CRTAM: variants seen among roughly 807,000 people sequenced by gnomAD.
CRTAM encodes the protein cytotoxic and regulatory T cell molecule.
A neutral mutation model predicts 50.0 loss-of-function variants in CRTAM; 44 were observed. That is an observed-to-expected ratio of 0.88 (90% confidence interval 0.69 to 1.13). The LOEUF (loss-of-function observed/expected upper bound fraction) is 1.13, where lower values mean the gene tolerates loss of function less well. Among genes scored for constraint, CRTAM ranks in the 50% most tolerant of loss-of-function variants. The probability of loss-of-function intolerance (pLI) is 0.00; values close to 1 mark genes in which losing one functional copy is unlikely to be tolerated. For synonymous variants in CRTAM, 159 were observed against 169.3 expected, an observed-to-expected ratio of 0.94 and a Z score of 0.47; for missense variants, 448 against 457.5, an observed-to-expected ratio of 0.98 and a Z score of 0.19.
At chr11:122,843,063 G>A (rs1454364675) in intron 1 of CRTAM, among the ~76,000 whole-genome samples, 3 of 152,190 alleles carry the variant, frequency 2.0e-5, no homozygotes, top group African/African-American at 4.8e-5. Flanking sequence ...GGTAAAGATT[G>A]CACATGAGAA....
rs144356621 is a variant in CRTAM at position 122,849,722 on chromosome 11, C to CA, written c.47-334dup. 1.0e-3 allele frequency among the ~76,000 whole-genome samples: 148 copies of CA among 141,218 alleles called. 1 individual carries two copies. The highest frequency in any genetic ancestry group is 2.9e-3 in the Admixed American group (41 of 14,208). The allele number at this position is 141,218 out of a possible 152,430, so 92.6% of individuals were successfully genotyped here. ...GGGCAACCAGAGTGAGACTTTGTCT[C>CA]AAAAAAAAAAAATTAAATTCAATAC... On this transcript the variant is annotated intron_variant, in intron 1 of 9. Coordinates refer to ENST00000227348, the MANE Select transcript of CRTAM (RefSeq NM_019604.4).
intron 1 of CRTAM, among the ~76,000 whole-genome samples, chr11:122,840,825 C>A (rs1861789300): frequency 6.6e-6 from 1 of 151,860 alleles, no homozygotes; most frequent in Admixed American, 6.6e-5. Context: ...GTCACGTAAT[C>A]TCAGAGCCTG....
chr11:122,865,768 A>G (rs1862163853), intron 7 of CRTAM, among the ~76,000 whole-genome samples: 1 of 152,138 alleles, frequency 6.6e-6, no homozygotes, highest in Non-Finnish European at 1.5e-5. Flanking sequence ...ACAGGCCCCA[A>G]AGCAACACAC....
intron 1 of CRTAM, among the ~76,000 whole-genome samples, chr11:122,842,353 C>T (rs1331971875): frequency 1.3e-5 from 2 of 152,222 alleles, no homozygotes; most frequent in Non-Finnish European, 2.9e-5. Context: ...ATCTCACTCA[C>T]CACAACCTCC....
chr11:122,853,753 G>T (rs1198514002), intron 3 of CRTAM, among the ~76,000 whole-genome samples, 190 bp from the exon 4 acceptor site: 1 of 151,908 alleles, frequency 6.6e-6, no homozygotes, highest in Non-Finnish European at 1.5e-5. Context: ...GGGAGGTGGC[G>T]GTTTCAGTGA....
chr11:122,860,092 G>A (rs184040802), intron 5 of CRTAM, among the ~76,000 whole-genome samples: 1 of 152,200 alleles, frequency 6.6e-6, no homozygotes, highest in Admixed American at 6.5e-5. Flanking sequence ...TTGTCGTTCA[G>A]ACTGGAGTGC....
At chr11:122,859,390 C>T (rs887941277) in intron 5 of CRTAM, among the ~76,000 whole-genome samples, 14 of 151,594 alleles carry the variant, frequency 9.2e-5, no homozygotes, top group Admixed American at 5.9e-4. Flanking sequence ...GTATTACAGG[C>T]GTGAGCCACC....
rs768479111 is a variant in CRTAM, at chr11:122,850,235, A to G, written c.193+21A>G. On this transcript the variant is annotated intron_variant, in intron 2 of 9. Coordinates refer to ENST00000227348, the MANE Select transcript of CRTAM (RefSeq NM_019604.4). ...TCCTGGTAAGTGAAAGAAAGAAAGAAAAAATGCCACCAGACCTTAACCTGA... is the reference window on the plus strand; with the variant it reads ...TCCTGGTAAGTGAAAGAAAGAAAGAGAAAATGCCACCAGACCTTAACCTGA... 2.5e-6 allele frequency: 4 copies of G among 1,579,420 alleles called. No individual in the cohort carries two copies. The South Asian group carries it at 4.5e-5, about 18-fold the overall frequency.
intron 1 of CRTAM, among the ~76,000 whole-genome samples, chr11:122,845,550 T>C (rs1364355055): frequency 6.6e-6 from 1 of 151,914 alleles, no homozygotes; most frequent in Non-Finnish European, 1.5e-5. Flanking sequence ...GTACTAAAAA[T>C]ACAAAAATTA....
intron 6 of CRTAM, among the ~76,000 whole-genome samples, chr11:122,863,272 A>G (rs201411583): frequency 5.0e-5 from 7 of 140,646 alleles, no homozygotes; most frequent in African/African-American, 8.0e-5. Flanking sequence ...GAAAGAAAGA[A>G]AAAGAAAGAA....
intron 4 of CRTAM, 38 bp from the exon 5 acceptor site, chr11:122,855,657 G>A (rs775603117): frequency 3.8e-6 from 6 of 1,593,576 alleles, no homozygotes; most frequent in East Asian, 2.2e-5. Flanking sequence ...TCATCCAGTA[G>A]CATTAAATAG....
chr11:122,854,997 G>T (rs1861986611), intron 4 of CRTAM, among the ~76,000 whole-genome samples: 1 of 151,980 alleles, frequency 6.6e-6, no homozygotes, highest in African/African-American at 2.4e-5. Flanking sequence ...GTCTCCCAGT[G>T]CAGTGGCACG....
At chr11:122,866,202 CT>C (rs954338291) in intron 7 of CRTAM, among the ~76,000 whole-genome samples, 26 of 152,086 alleles carry the variant, frequency 1.7e-4, no homozygotes, top group African/African-American at 6.3e-4. Flanking sequence ...AACATCAACC[CT>C]TTTCAATCGC....
intron 3 of CRTAM, among the ~76,000 whole-genome samples, chr11:122,852,150 C>T (rs1408923788): frequency 2.0e-5 from 3 of 152,244 alleles, no homozygotes; most frequent in South Asian, 4.2e-4. Flanking sequence ...GTGAGGTTCT[C>T]GGGAATCAGA....
chr11:122,862,871 A>G (rs1258905801), intron 6 of CRTAM, among the ~76,000 whole-genome samples: 1 of 151,080 alleles, frequency 6.6e-6, no homozygotes, highest in Non-Finnish European at 1.5e-5. Context: ...AGTTGAATTC[A>G]TTTATAGAGA....
At chr11:122,842,729 C>T (rs1861814230) in intron 1 of CRTAM, among the ~76,000 whole-genome samples, 1 of 152,126 alleles carries the variant, frequency 6.6e-6, no homozygotes, top group Admixed American at 6.6e-5. Context: ...CAAAAGAGGA[C>T]TAAATTGATT....
intron 1 of CRTAM, 80 bp downstream of exon 1, chr11:122,838,672 AT>A: frequency 7.5e-7 from 1 of 1,340,858 alleles, no homozygotes; most frequent in Non-Finnish European, 1.1e-6. Context: ...AGTCAACTGC[AT>A]TTACAGAGGA....
intron 5 of CRTAM, among the ~76,000 whole-genome samples, chr11:122,859,989 A>C (rs1862051888): frequency 6.6e-6 from 1 of 152,250 alleles, no homozygotes; most frequent in Non-Finnish European, 1.5e-5. Flanking sequence ...TGTCAAACTC[A>C]CAGTGGTGGA....
rs896288886 is a variant in CRTAM at position 122,872,075 on chromosome 11, CAGTG to C, written c.*680_*683del. 6.6e-6 allele frequency: 1 copy of C among 152,176 alleles called. No homozygotes were observed. Among genetic ancestry groups the C allele is most frequent in the African/African-American group, 2.4e-5 (1 of 41,386 alleles). The allele number at this position is 152,176 out of a possible 1,614,324, so 9.4% of individuals were successfully genotyped here. ...GCTTGAACCTGGGAGGTGGAGATTG[CAGTG>C]AGTCAAGATCTCACCACTGCACTCC... On this transcript the variant is annotated 3_prime_UTR_variant, in exon 10 of 10. Coordinates refer to ENST00000227348, the MANE Select transcript of CRTAM (RefSeq NM_019604.4).
Sources: allele counts gnomAD v4.1 joint callset (sites outside exome capture counted in the v4.1 genomes callset), GRCh38; gene constraint gnomAD v4.1.1; transcripts MANE v1.5; gene names NCBI Gene and HGNC (gene_info 2026-07-23, HGNC 2026-07-21).